Variants in ABL1 observed in about 807,000 individuals in gnomAD.
The protein encoded by ABL1 is ABL proto-oncogene 1, non-receptor tyrosine kinase, also known as tyrosine-protein kinase ABL1.
A neutral mutation model predicts 94.7 loss-of-function variants in ABL1; 11 were observed. The ratio of observed to expected loss-of-function variants is 0.12; its 90% CI spans 0.07 to 0.19. The LOEUF is 0.19. Among genes scored for constraint, ABL1 ranks in the 10% least tolerant of loss-of-function variants. The probability of loss-of-function intolerance (pLI) is 1.00; values close to 1 mark genes in which losing one functional copy is unlikely to be tolerated. For synonymous variants in ABL1, 656 were observed against 622.4 expected, an observed-to-expected ratio of 1.05 and a Z score of -0.80; for missense variants, 1,082 against 1,489.4, an observed-to-expected ratio of 0.73 and a Z score of 4.50.
chr9:130,809,551 A>G (rs879365247), intron 1 of ABL1, among the ~76,000 whole-genome samples: 11 of 152,170 alleles, frequency 7.2e-5, no homozygotes, highest in Non-Finnish European at 1.3e-4. Context: ...AGGAGAGCCA[A>G]TGATGTGGCT....
intron 1 of ABL1, among the ~76,000 whole-genome samples, chr9:130,729,131 G>C (rs1253133998): frequency 6.6e-6 from 1 of 152,144 alleles, no homozygotes; most frequent in Non-Finnish European, 1.5e-5. Flanking sequence ...TTAGAATAGA[G>C]GGTACTCTTT....
At chr9:130,760,909 C>G (rs1468536185) in intron 1 of ABL1, among the ~76,000 whole-genome samples, 1 of 148,726 alleles carries the variant, frequency 6.7e-6, no homozygotes, top group Non-Finnish European at 1.5e-5. Context: ...TCGTGGTCAG[C>G]CCCCGCAAAG....
chr9:130,760,943 CTTTTTTTTTT>C (rs35842480), intron 1 of ABL1, among the ~76,000 whole-genome samples: 1 of 85,262 alleles, frequency 1.2e-5, no homozygotes, highest in African/African-American at 6.3e-5. Flanking sequence ...CCCGCCCCTG[CTTTTTTTTTT>C]TTTTTTTTTT....
intron 4 of ABL1, among the ~76,000 whole-genome samples, chr9:130,868,180 G>A (rs1405630772): frequency 1.3e-5 from 2 of 152,034 alleles, no homozygotes; most frequent in African/African-American, 2.4e-5. Context: ...GGATGGTCTC[G>A]ATCTCCTGAC....
intron 1 of ABL1, among the ~76,000 whole-genome samples, chr9:130,755,832 A>T (rs1294610584): frequency 6.6e-6 from 1 of 152,176 alleles, no homozygotes; most frequent in Non-Finnish European, 1.5e-5. Flanking sequence ...CAGGGCTGTG[A>T]CTTTCCATCT....
chr9:130,720,607 TATG>T (rs1043113586), intron 1 of ABL1, among the ~76,000 whole-genome samples: 3 of 152,210 alleles, frequency 2.0e-5, no homozygotes, highest in Non-Finnish European at 4.4e-5. Flanking sequence ...CTTTGATTCA[TATG>T]ATGTGGGAAG....
chr9:130,866,620 G>T (rs1831161684), intron 4 of ABL1, among the ~76,000 whole-genome samples: 1 of 152,058 alleles, frequency 6.6e-6, no homozygotes, highest in Non-Finnish European at 1.5e-5. Context: ...AGCAACCTTG[G>T]GTCATTCATA....
At chr9:130,807,672 ATATATATATATATAT>A (rs1228571011) in intron 1 of ABL1, among the ~76,000 whole-genome samples, 1 of 99,124 alleles carries the variant, frequency 1.0e-5, no homozygotes, top group East Asian at 2.6e-4. Context: ...TTAATTTTAT[ATATATATATATATAT>A]ATATATAGTT....
intron 1 of ABL1, among the ~76,000 whole-genome samples, chr9:130,768,329 G>A (rs770619552): frequency 3.9e-5 from 6 of 152,314 alleles, no homozygotes; most frequent in African/African-American, 9.6e-5. Context: ...TGGTGTGCAC[G>A]GGCATTTAGC....
intron 1 of ABL1, among the ~76,000 whole-genome samples, chr9:130,790,769 G>A (rs902912548): frequency 2.6e-5 from 4 of 151,786 alleles, no homozygotes; most frequent in African/African-American, 9.7e-5. Flanking sequence ...CCACTGTGTC[G>A]GGCCAGCATT....
intron 1 of ABL1, among the ~76,000 whole-genome samples, chr9:130,746,158 GTCT>G (rs1831885177): frequency 6.6e-6 from 1 of 151,336 alleles, no homozygotes; most frequent in Non-Finnish European, 1.5e-5. Context: ...CCTTTCCAAG[GTCT>G]TCTGGTCAGG....
upstream of ABL1, chr9:130,834,955 C>T: frequency 2.2e-6 from 1 of 454,870 alleles, no homozygotes; most frequent in Admixed American, 2.4e-5. Flanking sequence ...CGCCCCAGGC[C>T]GCGGTGGAGT....
At chr9:130,747,770 A>G (rs1203094093) in intron 1 of ABL1, among the ~76,000 whole-genome samples, 2 of 152,314 alleles carry the variant, frequency 1.3e-5, no homozygotes, top group African/African-American at 2.4e-5. Context: ...AGGATGACGG[A>G]GGATAATGCC....
intron 1 of ABL1, among the ~76,000 whole-genome samples, chr9:130,821,209 C>T (rs1202504522): frequency 6.6e-6 from 1 of 152,132 alleles, no homozygotes; most frequent in Non-Finnish European, 1.5e-5. Context: ...GGATTACAGG[C>T]GTGAGCCACC....
At chr9:130,717,793 C>T (rs1377839445) in intron 1 of ABL1, among the ~76,000 whole-genome samples, 1 of 151,880 alleles carries the variant, frequency 6.6e-6, no homozygotes, top group African/African-American at 2.4e-5. Context: ...GTGGGCAGAT[C>T]ACCTGAGGTC....
chr9:130,885,711 C>A lies in ABL1; in HGVS notation c.*28C>A. On this transcript the variant is annotated 3_prime_UTR_variant, in exon 11 of 11. Coordinates refer to ENST00000318560, the MANE Select transcript of ABL1 (RefSeq NM_005157.6). Reference sequence around the variant, plus strand: ...GCAGTCAGGGGTCAGGTGTCAGGCCCGTCGGAGCTGCCTGCAGCACATGCG... The same window carrying A: ...GCAGTCAGGGGTCAGGTGTCAGGCCAGTCGGAGCTGCCTGCAGCACATGCG... The A allele has an allele frequency of 6.3e-7, 1 of 1,588,008 alleles. No homozygotes were observed.
intron 1 of ABL1, among the ~76,000 whole-genome samples, chr9:130,729,726 C>T (rs1448028744): frequency 6.6e-6 from 1 of 150,910 alleles, no homozygotes; most frequent in African/African-American, 2.4e-5. Context: ...AGCAGAAGTT[C>T]AATTCTGCAT....
chr9:130,886,849 A>G lies in ABL1; in HGVS notation c.*1166A>G, dbSNP rs372418184. 13 of 233,258 alleles carry G rather than the reference A, an allele frequency of 5.6e-5. No individual in the cohort carries two copies. In the South Asian group the frequency reaches 1.3e-3, roughly 23 times the overall value. The allele number at this position is 233,258 out of a possible 1,614,324, so 14.4% of individuals were successfully genotyped here. A position where few individuals can be genotyped will look rare whatever the true frequency, so the allele number is the denominator to read the frequency against. On this transcript the variant is annotated 3_prime_UTR_variant, in exon 11 of 11. Coordinates refer to ENST00000318560, the MANE Select transcript of ABL1 (RefSeq NM_005157.6). ...ACAGGTGGGAGGAAAGGGCCTGGCC[A>G]GTCCTGGTCCTGGCTGCACTCTTGA...
exon 1 of ABL1, chr9:130,714,428 C>T: frequency 1.2e-6 from 2 of 1,614,140 alleles, no homozygotes; most frequent in African/African-American, 1.3e-5. Flanking sequence ...GCATGGGGGT[C>T]CACACTGCAA....
Sources: gnomAD v4.1 joint callset for allele counts (sites outside exome capture counted in the v4.1 genomes callset) on GRCh38, gnomAD v4.1.1 for gene constraint, MANE v1.5 for transcripts, NCBI Gene and HGNC (gene_info 2026-07-23, HGNC 2026-07-21) for gene names.